The following TCN1 variants were observed in gnomAD, a reference collection of about 807,000 sequenced individuals.
TCN1 encodes transcobalamin 1.
A neutral mutation model predicts 46.3 loss-of-function variants in TCN1; 47 were observed. That is an observed-to-expected ratio of 1.01 (90% CI 0.80 to 1.29). The LOEUF is 1.29. Ranked by LOEUF, TCN1 falls within the 50% of genes most tolerant of loss-of-function variation. The pLI, the probability that TCN1 is intolerant of heterozygous loss-of-function variation, is 0.00. For missense variants in TCN1, 532 were observed against 511.0 expected (o/e 1.04, Z -0.40); for synonymous variants, 183 against 192.5 (o/e 0.95, Z 0.41).
chr11:59,854,829 A>T lies in TCN1; in HGVS notation c.944T>A (p.Phe315Tyr). 6.2e-7 allele frequency: 1 copy of T among 1,613,960 alleles called. No homozygotes were observed. The highest frequency in any genetic ancestry group is 8.5e-7 in the Non-Finnish European group (1 of 1,179,860). Residue 315 changes from phenylalanine (F) to tyrosine (Y), a missense_variant, in exon 7 of 9, where the codon TTC becomes TAC. By Grantham distance (22) the Phe-to-Tyr change is conservative (BLOSUM62 3). Transcript: ENST00000257264. The part of the protein sequence containing the change: ...DSSCVSASGN[F>Y]NISADEPITV... ...TATAGGCTCATCAGCGGAGATGTTG[A>T]AGTTACCTGGCAGAGACAGAAAAGC...
At chr11:59,858,322 T>C (rs1380992465) in intron 5 of TCN1, among the ~76,000 whole-genome samples, 5 of 139,872 alleles carry the variant, frequency 3.6e-5, no homozygotes, top group African/African-American at 3.0e-5. Context: ...TTATGCACAA[T>C]TTAAAACTTA....
intron 3 of TCN1, among the ~76,000 whole-genome samples, chr11:59,862,362 T>C (rs759901053): frequency 6.6e-6 from 1 of 152,076 alleles, no homozygotes; most frequent in Non-Finnish European, 1.5e-5. Context: ...TCTGCCATCA[T>C]ATGTAAAGTA....
chr11:59,863,521 G>A (rs1853039129), intron 2 of TCN1, among the ~76,000 whole-genome samples: 1 of 152,024 alleles, frequency 6.6e-6, no homozygotes. Flanking sequence ...TAACATGACT[G>A]GTTCAAGGCC....
chr11:59,856,136 G>A (rs1852932845), intron 5 of TCN1, 78 bp from the exon 6 acceptor site: 1 of 1,204,694 alleles, frequency 8.3e-7, no homozygotes, highest in Non-Finnish European at 1.2e-6. Context: ...CTTCAAATAA[G>A]GGGGAAGCCT....
chr11:59,858,974 A>G, intron 5 of TCN1, 103 bp downstream of exon 5: 1 of 1,359,586 alleles, frequency 7.4e-7, no homozygotes, highest in Non-Finnish European at 1.0e-6. Context: ...TTGCAACTCC[A>G]GCCTGGGCAA....
intron 2 of TCN1, among the ~76,000 whole-genome samples, chr11:59,863,299 G>GA (rs113003128): frequency 0.062 from 9,407 of 151,718 alleles, 916 homozygotes; most frequent in African/African-American, 0.21. Context: ...TTATGAAAGT[G>GA]AAAAAGAGGA....
At position 59,853,001 on chromosome 11, in the gene TCN1, A is replaced by G. The variant is rs751224176; in HGVS notation, c.1276T>C (p.Leu426=). 4 of 1,614,064 alleles carry G rather than the reference A, an allele frequency of 2.5e-6. No homozygotes were observed. Among genetic ancestry groups the G allele is most frequent in the African/African-American group, 2.7e-5 (2 of 74,922 alleles). ...TAGTATTTGCTCCAGCGAACCTCCAAGTTTTCTCCATTGCGGACAACGTAA... is the reference window on the plus strand; with the variant it reads ...TAGTATTTGCTCCAGCGAACCTCCAGGTTTTCTCCATTGCGGACAACGTAA... ...GSYVVRNGEN[L]EVRWSKY Residue 426 remains leucine, a synonymous_variant, in exon 9 of 9, where the codon TTG becomes CTG. Transcript: ENST00000257264.
At chr11:59,857,941 G>A (rs530742111) in intron 5 of TCN1, among the ~76,000 whole-genome samples, 72 of 152,228 alleles carry the variant, frequency 4.7e-4, no homozygotes, top group African/African-American at 1.5e-3. Flanking sequence ...TCTTATCAGC[G>A]GGGGATACAT....
intron 5 of TCN1, among the ~76,000 whole-genome samples, chr11:59,856,259 T>C (rs1852937210): frequency 6.6e-6 from 1 of 152,158 alleles, no homozygotes; most frequent in Non-Finnish European, 1.5e-5. Context: ...ATAAACTAGT[T>C]TGGGCAGGGA....
chr11:59,858,941 C>T lies in TCN1; in HGVS notation c.747+136G>A, dbSNP rs368014097. 54 of 978,666 alleles carry T rather than the reference C, an allele frequency of 5.5e-5. No individual in the cohort carries two copies. In the East Asian group the frequency reaches 8.0e-4, roughly 14 times the overall value. The allele number at this position is 978,666 out of a possible 1,614,324, so 60.6% of individuals were successfully genotyped here. A position where few individuals can be genotyped will look rare whatever the true frequency, so the allele number is the denominator to read the frequency against. On this transcript the variant is annotated intron_variant, in intron 5 of 8. Transcript: ENST00000257264. ...TCGCTTGAACTCGGGAGGCGGAGGTCGCAGTGAGCTGAGCTCGCACCATTG... is the reference window on the plus strand; with the variant it reads ...TCGCTTGAACTCGGGAGGCGGAGGTTGCAGTGAGCTGAGCTCGCACCATTG...
At chr11:59,858,975 GC>G in intron 5 of TCN1, 101 bp downstream of exon 5, 1 of 1,368,252 alleles carries the variant, frequency 7.3e-7, no homozygotes. Context: ...TGCAACTCCA[GC>G]CTGGGCAACA....
At chr11:59,864,597 A>C (rs1853052898) in intron 1 of TCN1, among the ~76,000 whole-genome samples, 1 of 152,010 alleles carries the variant, frequency 6.6e-6, no homozygotes, top group Admixed American at 6.6e-5. Context: ...CCAAAACTTC[A>C]TTGTCTGATT....
chr11:59,859,345 G>A (rs372537979), intron 4 of TCN1, 78 bp from the exon 5 acceptor site: 5 of 1,480,118 alleles, frequency 3.4e-6, no homozygotes, highest in Non-Finnish European at 3.7e-6. Flanking sequence ...CCTGGGATGT[G>A]AGACTTTCAG....
At position 59,861,517 on chromosome 11, in the gene TCN1, A is replaced by C. The variant is rs1254035720; in HGVS notation, c.556+10T>G. 6.2e-7 allele frequency: 1 copy of C among 1,613,938 alleles called. No individual in the cohort carries two copies. The highest frequency in any genetic ancestry group is 2.2e-5 in the East Asian group (1 of 44,878). On this transcript the variant is annotated intron_variant, in intron 4 of 8. Coordinates refer to ENST00000257264, the MANE Select transcript of TCN1 (RefSeq NM_001062.4). ...CCTCTGTACCAAGGGAATTGGGCTT[A>C]GTAACTCACCTACTGAGAACTGGCT...
At chr11:59,865,742 A>G (rs1853066484) in intron 1 of TCN1, among the ~76,000 whole-genome samples, 1 of 152,180 alleles carries the variant, frequency 6.6e-6, no homozygotes, top group Non-Finnish European at 1.5e-5. Context: ...TCATTCAATA[A>G]CTAAGGGATC....
chr11:59,854,694 C>G lies in TCN1; in HGVS notation c.1079G>C (p.Ser360Thr), dbSNP rs370029605. The G allele has an allele frequency of 5.0e-6, 8 of 1,613,936 alleles. No homozygotes were observed. Among genetic ancestry groups the G allele is most frequent in the East Asian group, 2.2e-5 (1 of 44,858 alleles). The change falls in exon 7 of 9, where the codon AGT becomes ACT. Residue 360 changes from serine to threonine, a missense_variant. Transcript: ENST00000257264. ...CATTTTCTGGGCTTTCTCCATCACA[C>G]TGAGGAAGACAGAACCATTTAGCAC... ...VTVLNGSVFL[S>T]VMEKAQKMND...
chr11:59,864,647 T>C (rs1037248090), intron 1 of TCN1, among the ~76,000 whole-genome samples: 1 of 152,176 alleles, frequency 6.6e-6, no homozygotes, highest in Non-Finnish European at 1.5e-5. Context: ...TTTAGCATTA[T>C]GCAGCCTGTA....
At chr11:59,856,085 G>GGGGGGGGGGGT in intron 5 of TCN1, 27 bp from the exon 6 acceptor site, 1 of 585,330 alleles carries the variant, frequency 1.7e-6, no homozygotes, top group South Asian at 1.4e-5. Flanking sequence ...GGGTGGGGGG[G>GGGGGGGGGGGT]TGATGAGAGA....
rs563165540 is a variant in TCN1, at chr11:59,854,703, A to G, written c.1070T>C (p.Val357Ala). 2 of 1,614,034 alleles carry G rather than the reference A, an allele frequency of 1.2e-6. No homozygotes were observed. Among genetic ancestry groups the G allele is most frequent in the South Asian group, 2.2e-5 (2 of 91,084 alleles). The change falls in exon 7 of 9, where the codon GTC (valine) becomes GCC (alanine). Residue 357 changes from valine to alanine, a missense_variant. Coordinates refer to ENST00000257264, the MANE Select transcript of TCN1 (RefSeq NM_001062.4). ...FTNVTVLNGS[V>A]FLSVMEKAQK... ...GGCTTTCTCCATCACACTGAGGAAG[A>G]CAGAACCATTTAGCACAGTGACATT...
Sources: allele counts gnomAD v4.1 joint callset (sites outside exome capture counted in the v4.1 genomes callset), GRCh38; gene constraint gnomAD v4.1.1; transcripts MANE v1.5; gene names NCBI Gene and HGNC (gene_info 2026-07-23, HGNC 2026-07-21).